The following CDH13 variants were observed in gnomAD, a reference collection of about 807,000 sequenced individuals.
CDH13 encodes cadherin-13.
In CDH13, 24 loss-of-function variants were observed where a neutral mutation model predicts 63.8. The ratio of observed to expected loss-of-function variants is 0.38; its 90% CI spans 0.27 to 0.53. The LOEUF (loss-of-function observed/expected upper bound fraction) is 0.53. Among genes scored for constraint, CDH13 ranks in the 20% least tolerant of loss-of-function variants. The pLI, the probability that CDH13 is intolerant of heterozygous loss-of-function variation, is 0.85. For synonymous variants in CDH13, 503 were observed against 355.3 expected, an observed-to-expected ratio of 1.42 and a Z score of -4.67; for missense variants, 1,049 against 903.1, an observed-to-expected ratio of 1.16 and a Z score of -2.07.
At chr16:82,951,757 C>T (rs890368970) in intron 2 of CDH13, among the ~76,000 whole-genome samples, 1 of 152,260 alleles carries the variant, frequency 6.6e-6, no homozygotes, top group East Asian at 1.9e-4. Context: ...CTGTCTCCCC[C>T]TGGGGATTTT....
intron 1 of CDH13, among the ~76,000 whole-genome samples, chr16:82,819,272 A>G (rs910771279): frequency 2.0e-5 from 3 of 152,236 alleles, no homozygotes; most frequent in African/African-American, 4.8e-5. Context: ...GCATGAAGGC[A>G]TATTTCAAGT....
chr16:83,027,206 C>T (rs1915900623), intron 2 of CDH13, among the ~76,000 whole-genome samples: 1 of 151,546 alleles, frequency 6.6e-6, no homozygotes, highest in South Asian at 2.1e-4. Flanking sequence ...GATGGCCTCC[C>T]ATGTGGAAAA....
chr16:83,252,835 T>C (rs541356552), intron 5 of CDH13, among the ~76,000 whole-genome samples: 1 of 152,192 alleles, frequency 6.6e-6, no homozygotes, highest in East Asian at 1.9e-4. Context: ...CAAAAATCCA[T>C]ACCATCAAGA....
intron 2 of CDH13, among the ~76,000 whole-genome samples, chr16:82,923,305 T>C (rs2011228): frequency 0.33 from 50,343 of 152,140 alleles, 10,387 homozygotes; most frequent in Non-Finnish European, 0.47. Context: ...ATGAGTGAAG[T>C]GAGTTTAAGG....
At chr16:83,764,576 C>T (rs1294917023) in intron 11 of CDH13, among the ~76,000 whole-genome samples, 1 of 152,162 alleles carries the variant, frequency 6.6e-6, no homozygotes, top group Non-Finnish European at 1.5e-5. Context: ...TCTACCCAGT[C>T]CTCAAGCAAG....
At chr16:83,364,689 C>G (rs984662254) in intron 6 of CDH13, among the ~76,000 whole-genome samples, 1 of 152,070 alleles carries the variant, frequency 6.6e-6, no homozygotes, top group African/African-American at 2.4e-5. Context: ...ATGAATGTTT[C>G]TTTTATAGAT....
intron 6 of CDH13, among the ~76,000 whole-genome samples, chr16:83,381,647 C>T (rs1052132763): frequency 6.6e-6 from 1 of 151,954 alleles, no homozygotes; most frequent in African/African-American, 2.4e-5. Flanking sequence ...TAAAAAAGCT[C>T]ACCTAAACCC....
chr16:83,513,177 G>T (rs2074615440), intron 7 of CDH13, among the ~76,000 whole-genome samples: 2 of 152,118 alleles, frequency 1.3e-5, no homozygotes, highest in Non-Finnish European at 2.9e-5. Context: ...AGTTGAGGTT[G>T]GATTTGCTTT....
intron 2 of CDH13, chr16:82,884,548 C>G (rs867523471): frequency 7.1e-5 from 15 of 210,698 alleles, no homozygotes; most frequent in Non-Finnish European, 9.8e-5. Context: ...CAGGGAGAAT[C>G]TATTTCCTGT....
chr16:83,124,282 G>A (rs944072754), intron 3 of CDH13, among the ~76,000 whole-genome samples: 2 of 152,152 alleles, frequency 1.3e-5, no homozygotes, highest in Non-Finnish European at 1.5e-5. Flanking sequence ...CTGACCTCAG[G>A]AGATCGGCCT....
chr16:82,673,394 G>T (rs1302233100), intron 1 of CDH13, among the ~76,000 whole-genome samples: 1 of 152,080 alleles, frequency 6.6e-6, no homozygotes, highest in Non-Finnish European at 1.5e-5. Flanking sequence ...TCACTAGCAG[G>T]AAATAAAAGT....
chr16:83,437,013 A>C (rs917346263), intron 6 of CDH13, among the ~76,000 whole-genome samples: 1 of 152,158 alleles, frequency 6.6e-6, no homozygotes, highest in African/African-American at 2.4e-5. Context: ...AACAAATTAA[A>C]TCAAAGTCAA....
intron 6 of CDH13, among the ~76,000 whole-genome samples, chr16:83,467,057 G>A (rs1176517087): frequency 1.3e-5 from 2 of 152,134 alleles, no homozygotes; most frequent in South Asian, 2.1e-4. Context: ...AAGGGCCAGA[G>A]TAGAGGGTTC....
chr16:83,549,655 A>G (rs2075454616), intron 7 of CDH13, among the ~76,000 whole-genome samples: 1 of 151,962 alleles, frequency 6.6e-6, no homozygotes, highest in Admixed American at 6.6e-5. Flanking sequence ...AAAAAAAAAA[A>G]AGCAAAAACA....
intron 3 of CDH13, among the ~76,000 whole-genome samples, chr16:83,099,158 A>G (rs1567827703): frequency 3.3e-5 from 5 of 152,138 alleles, no homozygotes; most frequent in Admixed American, 6.5e-5. Flanking sequence ...CTATTCTAAC[A>G]TATTTAATAT....
intron 2 of CDH13, among the ~76,000 whole-genome samples, chr16:82,885,959 T>G (rs1325470628): frequency 6.6e-6 from 1 of 152,192 alleles, no homozygotes; most frequent in East Asian, 1.9e-4. Flanking sequence ...ATTATCCTCT[T>G]GCTAACTTAA....
At chr16:82,743,470 C>T (rs2034026025) in intron 1 of CDH13, among the ~76,000 whole-genome samples, 1 of 152,222 alleles carries the variant, frequency 6.6e-6, no homozygotes, top group Admixed American at 6.5e-5. Context: ...TCACCCACTT[C>T]AGCCTCCCAA....
At chr16:82,643,986 G>A (rs1253026193) in intron 1 of CDH13, among the ~76,000 whole-genome samples, 1 of 152,094 alleles carries the variant, frequency 6.6e-6, no homozygotes, top group East Asian at 1.9e-4. Flanking sequence ...CTGGCTTCAA[G>A]TGATCCTCCA....
intron 1 of CDH13, among the ~76,000 whole-genome samples, chr16:82,646,569 G>A (rs763248235): frequency 6.6e-6 from 1 of 152,186 alleles, no homozygotes; most frequent in East Asian, 1.9e-4. Context: ...AGTGATGGGA[G>A]GAGAGGTCAC....
Sources: gnomAD v4.1 joint callset for allele counts (sites outside exome capture counted in the v4.1 genomes callset) on GRCh38, gnomAD v4.1.1 for gene constraint, MANE v1.5 for transcripts, NCBI Gene and HGNC (gene_info 2026-07-23, HGNC 2026-07-21) for gene names.